Variants in OAS1 observed in about 807,000 individuals in gnomAD.
The protein encoded by OAS1 is 2'-5'-oligoadenylate synthetase 1.
A neutral mutation model predicts 38.5 loss-of-function variants in OAS1; 24 were observed. The observed-to-expected ratio is 0.62, with a 90% CI of 0.45 to 0.88. The LOEUF (loss-of-function observed/expected upper bound fraction) is 0.88, where lower values mean the gene tolerates loss of function less well. OAS1 is among the 40% of genes least tolerant of loss of function. OAS1 has a pLI of 0.00. For missense variants in OAS1, 482 were observed against 493.9 expected (o/e 0.98, Z 0.23); for synonymous variants, 169 against 193.9 (o/e 0.87, Z 1.07).
chr12:112,917,095 A>G (rs2043471401), intron 4 of OAS1: 2 of 345,182 alleles, frequency 5.8e-6, no homozygotes, highest in Non-Finnish European at 1.1e-5. Context: ...TTGTTGTAAG[A>G]CTAACACATG....
chr12:112,929,268 G>C (rs937512090), intron 6 of OAS1, among the ~76,000 whole-genome samples: 3 of 152,198 alleles, frequency 2.0e-5, no homozygotes, highest in Non-Finnish European at 2.9e-5. Flanking sequence ...CAGCTAGATG[G>C]AAAGCTTTCC....
downstream of OAS1, among the ~76,000 whole-genome samples, chr12:112,924,767 G>A (rs537534065): frequency 4.1e-4 from 62 of 152,100 alleles, no homozygotes; most frequent in Admixed American, 2.4e-3. Flanking sequence ...CTGTGGCCAC[G>A]GGAAATAATA....
At chr12:112,912,032 G>A (rs2043389598) in intron 3 of OAS1, among the ~76,000 whole-genome samples, 1 of 152,202 alleles carries the variant, frequency 6.6e-6, no homozygotes, top group Non-Finnish European at 1.5e-5. Context: ...CGGCCAATAA[G>A]TAGCAGAAGT....
At chr12:112,911,317 G>T in intron 3 of OAS1, 82 bp downstream of exon 3, 1 of 1,110,916 alleles carries the variant, frequency 9.0e-7, no homozygotes. Flanking sequence ...AAAGAAGGGA[G>T]TGAAGGGAAG....
rs116104371 is a variant in OAS1 at position 112,911,573 on chromosome 12, G to C, written c.654+338G>C. On this transcript the variant is annotated intron_variant, in intron 3 of 5. Coordinates refer to ENST00000202917, the MANE Select transcript of OAS1 (RefSeq NM_016816.4). Reference sequence around the variant, plus strand: ...ACACACACGCACGCACACACACACAGAGAGAGAGTCAACCACACTCTTCAG... The same window carrying C: ...ACACACACGCACGCACACACACACACAGAGAGAGTCAACCACACTCTTCAG... Among the ~76,000 whole-genome samples, 1,106 of 152,180 alleles carry C rather than the reference G, an allele frequency of 7.3e-3. 3 individuals are homozygous for C. The highest frequency in any genetic ancestry group is 0.016 in the African/African-American group (682 of 41,518).
intron 3 of OAS1, among the ~76,000 whole-genome samples, chr12:112,914,088 C>A (rs1426931214): frequency 6.6e-6 from 1 of 152,190 alleles, no homozygotes; most frequent in Non-Finnish European, 1.5e-5. Context: ...CCTTGCCACA[C>A]CCCACCCTTT....
chr12:112,921,124 C>G (rs2043526063), downstream of OAS1, among the ~76,000 whole-genome samples: 2 of 152,218 alleles, frequency 1.3e-5, no homozygotes, highest in Admixed American at 1.3e-4. Context: ...TTCACCCTTC[C>G]TCGGTCTTTT....
At chr12:112,925,455 T>G (rs571257363) in intron 6 of OAS1, among the ~76,000 whole-genome samples, 2 of 152,254 alleles carry the variant, frequency 1.3e-5, no homozygotes, top group South Asian at 4.1e-4. Flanking sequence ...TGGGCTCAAA[T>G]CCTGCTTCTG....
rs376070219 is a variant in OAS1 at position 112,908,461 on chromosome 12, T to C, written c.181-75T>C. ...AGTGGCTAGTGCTCCATAATGTTAGTGATTGCTCCTGTCATTTTATTTAGG... is the reference window on the plus strand; with the variant it reads ...AGTGGCTAGTGCTCCATAATGTTAGCGATTGCTCCTGTCATTTTATTTAGG... On this transcript the variant is annotated intron_variant, in intron 1 of 5. Coordinates refer to ENST00000202917, the MANE Select transcript of OAS1 (RefSeq NM_016816.4). 29 of 1,414,116 alleles carry C rather than the reference T, an allele frequency of 2.1e-5. No homozygotes were observed. In the African/African-American group the frequency reaches 3.7e-4, roughly 18 times the overall value. The allele number at this position is 1,414,116 out of a possible 1,614,324, so 87.6% of individuals were successfully genotyped here.
intron 6 of OAS1, among the ~76,000 whole-genome samples, chr12:112,926,711 T>C (rs2043560333): frequency 6.6e-6 from 1 of 152,168 alleles, no homozygotes; most frequent in Admixed American, 6.5e-5. Flanking sequence ...TGTGCATGCA[T>C]TGTCATTGAT....
chr12:112,917,808 G>A, intron 5 of OAS1, 108 bp downstream of exon 5: 2 of 1,611,668 alleles, frequency 1.2e-6, no homozygotes, highest in Non-Finnish European at 8.5e-7. Context: ...CTTGCCAAAG[G>A]CCATTTATAT....
At position 112,928,239 on chromosome 12, in the gene OAS1, C is replaced by A. The variant is rs116250688; in HGVS notation, c.1168-3639C>A. ...AACCCTTCATTCTGTGGTCAAAGGG[C>A]AGACGTCTCTCCCAGTTAAGACTGG... On this transcript the variant is annotated intron_variant, in intron 6 of 6. Coordinates refer to the OAS1 transcript ENST00000540589. 5.3e-3 allele frequency among the ~76,000 whole-genome samples: 813 copies of A among 152,326 alleles called. 5 individuals are homozygous for A. The highest frequency in any genetic ancestry group is 0.018 in the African/African-American group (765 of 41,570).
intron 6 of OAS1, among the ~76,000 whole-genome samples, chr12:112,926,699 A>G (rs10850099): frequency 0.74 from 112,858 of 151,866 alleles, 43,221 homozygotes; most frequent in African/African-American, 0.94. Flanking sequence ...TTCATGTTCC[A>G]CTGTGCATGC....
At chr12:112,915,129 C>T (rs568011562) in intron 3 of OAS1, among the ~76,000 whole-genome samples, 1 of 152,126 alleles carries the variant, frequency 6.6e-6, no homozygotes, top group Non-Finnish European at 1.5e-5. Context: ...TTAATTAAGT[C>T]CCATCTATTT....
In OAS1 at chr12:112,908,665, A is replaced by C; in HGVS notation, c.310A>C (p.Arg104=). ...GGGAGAGTTCATCCAGGAAATTAGGAGACAGCTGGAAGCCTGTCAAAGAGA... is the reference window on the plus strand; with the variant it reads ...GGGAGAGTTCATCCAGGAAATTAGGCGACAGCTGGAAGCCTGTCAAAGAGA... ...RRGEFIQEIR[R]QLEACQRERA... Residue 104 remains arginine, a synonymous_variant, in exon 2 of 6, where the codon AGA becomes CGA. Coordinates refer to ENST00000202917, the MANE Select transcript of OAS1 (RefSeq NM_016816.4). The C allele has an allele frequency of 6.2e-7, 1 of 1,614,168 alleles. No individual in the cohort carries two copies. The highest frequency in any genetic ancestry group is 8.5e-7 in the Non-Finnish European group (1 of 1,180,034).
At chr12:112,930,390 G>A (rs560704882) in intron 6 of OAS1, among the ~76,000 whole-genome samples, 1 of 152,334 alleles carries the variant, frequency 6.6e-6, no homozygotes, top group South Asian at 2.1e-4. Flanking sequence ...CTGCCCAAGG[G>A]CACACCACTG....
chr12:112,930,812 C>T (rs1028467736), intron 6 of OAS1, among the ~76,000 whole-genome samples: 6 of 152,234 alleles, frequency 3.9e-5, no homozygotes, highest in East Asian at 3.8e-4. Flanking sequence ...TCAAATGTTA[C>T]GCTCCCCTGG....
chr12:112,932,736 G>A (rs1391441223), downstream of OAS1: 1 of 152,246 alleles, frequency 6.6e-6, no homozygotes. Flanking sequence ...ACAGATGAGA[G>A]AATTGAGGTT....
downstream of OAS1, among the ~76,000 whole-genome samples, chr12:112,920,486 T>A (rs2043522339): frequency 6.6e-6 from 1 of 152,214 alleles, no homozygotes; most frequent in African/African-American, 2.4e-5. Flanking sequence ...GAACTTCATC[T>A]CTTTCTTTTC....
Sources: gnomAD v4.1 joint callset for allele counts (sites outside exome capture counted in the v4.1 genomes callset) on GRCh38, gnomAD v4.1.1 for gene constraint, MANE v1.5 for transcripts, NCBI Gene and HGNC (gene_info 2026-07-23, HGNC 2026-07-21) for gene names.